AK5: variants seen among roughly 807,000 people sequenced by gnomAD.
AK5 encodes the protein adenylate kinase 5.
In AK5, 27 loss-of-function variants were observed where a neutral mutation model predicts 69.5. The observed-to-expected ratio is 0.39, with a 90% CI of 0.29 to 0.54. AK5 has a LOEUF of 0.54. AK5 is among the 20% of genes least tolerant of loss of function. The probability of loss-of-function intolerance (pLI) is 0.71; values close to 1 mark genes in which losing one functional copy is unlikely to be tolerated. For missense variants in AK5, 531 were observed against 700.4 expected, an observed-to-expected ratio of 0.76 and a Z score of 2.73; for synonymous variants, 260 against 244.4, an observed-to-expected ratio of 1.06 and a Z score of -0.60.
At chr1:77,298,015 A>T in intron 5 of AK5, 68 bp downstream of exon 5, 2 of 1,170,776 alleles carry the variant, frequency 1.7e-6, no homozygotes, top group Non-Finnish European at 2.4e-6. Flanking sequence ...AAAAACAAAA[A>T]GACTTCTTGG....
intron 13 of AK5, among the ~76,000 whole-genome samples, chr1:77,542,370 C>G (rs922729905): frequency 1.3e-5 from 2 of 152,104 alleles, no homozygotes; most frequent in African/African-American, 4.8e-5. Flanking sequence ...CAACCACTAA[C>G]AAGTTCTGTG....
At chr1:77,483,203 T>G (rs372465716) in intron 8 of AK5, 114 bp from the exon 9 acceptor site, 1 of 738,318 alleles carries the variant, frequency 1.4e-6, no homozygotes, top group African/African-American at 1.8e-5. Flanking sequence ...ATAAAATTGT[T>G]TGGAGGTGCC....
chr1:77,440,544 T>C (rs1292510866), intron 8 of AK5, among the ~76,000 whole-genome samples: 2 of 152,172 alleles, frequency 1.3e-5, no homozygotes, highest in Non-Finnish European at 2.9e-5. Context: ...TTTCTAGCTA[T>C]TACATCATTA....
chr1:77,439,302 A>G (rs1019259661), intron 8 of AK5, among the ~76,000 whole-genome samples: 1 of 152,164 alleles, frequency 6.6e-6, no homozygotes, highest in African/African-American at 2.4e-5. Flanking sequence ...ATTGATACAT[A>G]TTGTACATAT....
At chr1:77,395,086 T>C (rs528627495) in intron 6 of AK5, among the ~76,000 whole-genome samples, 1 of 152,294 alleles carries the variant, frequency 6.6e-6, no homozygotes, top group East Asian at 1.9e-4. Context: ...AAACATGATA[T>C]TGATCTCCTA....
At chr1:77,410,245 T>C (rs1348170009) in intron 6 of AK5, among the ~76,000 whole-genome samples, 1 of 151,996 alleles carries the variant, frequency 6.6e-6, no homozygotes, top group Non-Finnish European at 1.5e-5. Context: ...GTATCTAGTA[T>C]AGTATCTGAA....
chr1:77,308,263 C>T (rs1659751742), intron 5 of AK5, among the ~76,000 whole-genome samples: 1 of 151,928 alleles, frequency 6.6e-6, no homozygotes, highest in Admixed American at 6.6e-5. Flanking sequence ...CTCCCAGTCC[C>T]CAGGCCTGTC....
intron 12 of AK5, among the ~76,000 whole-genome samples, chr1:77,534,760 CTG>C (rs1175488300): frequency 6.6e-6 from 1 of 152,210 alleles, no homozygotes; most frequent in Non-Finnish European, 1.5e-5. Flanking sequence ...GAGTTCAAGA[CTG>C]TATAGTGCAC....
intron 8 of AK5, among the ~76,000 whole-genome samples, chr1:77,471,383 T>G (rs1654501234): frequency 6.6e-6 from 1 of 152,176 alleles, no homozygotes; most frequent in Non-Finnish European, 1.5e-5. Context: ...ACAAAGTAAA[T>G]GTAGTTATTG....
chr1:77,333,091 T>C (rs74090463), intron 5 of AK5, among the ~76,000 whole-genome samples: 1,925 of 152,262 alleles, frequency 0.013, 46 homozygotes, highest in African/African-American at 0.044. Flanking sequence ...TACAGTCTAC[T>C]GCTGTGTTTG....
At chr1:77,522,029 C>A in intron 12 of AK5, 86 bp downstream of exon 12, 3 of 1,044,368 alleles carry the variant, frequency 2.9e-6, no homozygotes, top group Non-Finnish European at 4.1e-6. Context: ...TATTTCTTTC[C>A]CAATTACATT....
intron 8 of AK5, chr1:77,420,250 T>A (rs531759497): frequency 6.6e-6 from 1 of 152,170 alleles, no homozygotes; most frequent in South Asian, 2.1e-4. Flanking sequence ...GAGGTGAGAT[T>A]TGAGCAGTGA....
chr1:77,324,886 G>A (rs569604735), intron 5 of AK5, among the ~76,000 whole-genome samples: 132 of 152,112 alleles, frequency 8.7e-4, no homozygotes, highest in African/African-American at 3.0e-3. Context: ...ATGTGATGGT[G>A]GCTACCAGGC....
chr1:77,375,332 T>C (rs927399923), intron 6 of AK5, among the ~76,000 whole-genome samples: 1 of 152,214 alleles, frequency 6.6e-6, no homozygotes, highest in African/African-American at 2.4e-5. Flanking sequence ...TTGAGGCAGG[T>C]GAACAATTTG....
chr1:77,419,475 G>T (rs554470519), intron 8 of AK5, among the ~76,000 whole-genome samples: 15 of 152,048 alleles, frequency 9.9e-5, no homozygotes, highest in African/African-American at 3.4e-4. Flanking sequence ...AAGATTAGAA[G>T]CCATGAAACA....
intron 11 of AK5, among the ~76,000 whole-genome samples, chr1:77,520,202 C>CAA (rs377135288): frequency 0.18 from 19,989 of 110,316 alleles, 1,871 homozygotes; most frequent in South Asian, 0.37. Context: ...AACTCCATCT[C>CAA]AAAAAAAAAA....
chr1:77,547,010 TA>T (rs1006936083), intron 13 of AK5, among the ~76,000 whole-genome samples: 2 of 152,224 alleles, frequency 1.3e-5, no homozygotes, highest in African/African-American at 4.8e-5. Flanking sequence ...CAGATGAGAC[TA>T]AAGAGCAAGA....
At chr1:77,512,690 T>C (rs578211920) in intron 10 of AK5, among the ~76,000 whole-genome samples, 3 of 152,134 alleles carry the variant, frequency 2.0e-5, no homozygotes, top group Non-Finnish European at 4.4e-5. Flanking sequence ...CTATAAATCA[T>C]GCTGCTATAA....
chr1:77,505,588 C>A (rs1048497862), intron 10 of AK5, among the ~76,000 whole-genome samples: 1 of 152,080 alleles, frequency 6.6e-6, no homozygotes, highest in African/African-American at 2.4e-5. Context: ...AACAAGAGGG[C>A]CGACATGGTG....
Sources: gnomAD v4.1 joint callset for allele counts (sites outside exome capture counted in the v4.1 genomes callset) on GRCh38, gnomAD v4.1.1 for gene constraint, MANE v1.5 for transcripts, NCBI Gene and HGNC (gene_info 2026-07-23, HGNC 2026-07-21) for gene names.